Variants in RHBDD1 observed in about 807,000 individuals in gnomAD.
RHBDD1 encodes the protein rhomboid domain containing 1, also known as rhomboid-related protein 4.
In RHBDD1, 38 loss-of-function variants were observed where a neutral mutation model predicts 36.3. The observed-to-expected ratio is 1.05, with a 90% CI of 0.81 to 1.37. The LOEUF is 1.37. Among genes scored for constraint, RHBDD1 ranks in the 40% most tolerant of loss-of-function variants. The pLI is 0.00. For missense variants in RHBDD1, 393 were observed against 377.6 expected (o/e 1.04, Z -0.34); for synonymous variants, 151 against 136.5 (o/e 1.11, Z -0.74).
chr2:226,965,290 G>A (rs1344142393), intron 8 of RHBDD1, among the ~76,000 whole-genome samples: 1 of 152,192 alleles, frequency 6.6e-6, no homozygotes, highest in Non-Finnish European at 1.5e-5. Flanking sequence ...GGGTTCTCCT[G>A]CAGAGCCTCC....
chr2:226,905,299 C>T (rs1461978760), intron 5 of RHBDD1, among the ~76,000 whole-genome samples: 2 of 152,016 alleles, frequency 1.3e-5, no homozygotes, highest in Non-Finnish European at 2.9e-5. Context: ...AGACTGGCTT[C>T]GTGCCAGAAT....
At position 226,995,576 on chromosome 2, in the gene RHBDD1, C is replaced by T. The variant is rs1285398378; in HGVS notation, c.*54C>T. On this transcript the variant is annotated 3_prime_UTR_variant, in exon 9 of 9. Coordinates refer to ENST00000392062, the MANE Select transcript of RHBDD1 (RefSeq NM_001167608.3). ...TCGTGTAATTATTGCCCATTTGGCT[C>T]ATTCCCCAAGCCCCTAATTCATTTT... 1.3e-5 allele frequency: 15 copies of T among 1,198,654 alleles called. No homozygotes were observed. The South Asian group carries it at 1.3e-4, about 10-fold the overall frequency. 74.3% of individuals were successfully genotyped at this position (1,198,654 alleles called of 1,614,324 possible). A position where few individuals can be genotyped will look rare whatever the true frequency, so the allele number is the denominator to read the frequency against.
rs138237527 is a variant in RHBDD1 at position 226,915,031 on chromosome 2, A to G, written c.856+680A>G. On this transcript the variant is annotated intron_variant, in intron 8 of 8. Coordinates refer to ENST00000392062, the MANE Select transcript of RHBDD1 (RefSeq NM_001167608.3). ...TGTTTCATGTACAATGGTAGGTACA[A>G]TAGGGAACACTGAGTGGTAAAAGTT... Among the ~76,000 whole-genome samples, 492 of 152,280 alleles carry G rather than the reference A, an allele frequency of 3.2e-3. 5 individuals carry two copies. In the South Asian group the frequency reaches 0.042, roughly 13 times the overall value.
chr2:226,881,243 G>A (rs1002448383), intron 5 of RHBDD1, among the ~76,000 whole-genome samples: 1 of 152,102 alleles, frequency 6.6e-6, no homozygotes, highest in Non-Finnish European at 1.5e-5. Flanking sequence ...TGACACTTGG[G>A]GATTATGAGG....
At chr2:226,955,294 C>G (rs1013597232) in intron 8 of RHBDD1, among the ~76,000 whole-genome samples, 1 of 152,176 alleles carries the variant, frequency 6.6e-6, no homozygotes, top group Non-Finnish European at 1.5e-5. Context: ...ATCCTGGAAC[C>G]ACGTAAGGTA....
chr2:226,920,717 C>A (rs1310987085), intron 8 of RHBDD1, among the ~76,000 whole-genome samples: 7 of 152,154 alleles, frequency 4.6e-5, no homozygotes, highest in Non-Finnish European at 7.4e-5. Context: ...CCTTGCATCA[C>A]TGGGATAAAT....
intron 3 of RHBDD1, among the ~76,000 whole-genome samples, chr2:226,853,372 T>C (rs1240812735): frequency 3.3e-5 from 5 of 152,238 alleles, no homozygotes; most frequent in Non-Finnish European, 4.4e-5. Context: ...TAACTACTTA[T>C]AGCCATTTGA....
chr2:226,901,049 G>A (rs1364161248), intron 5 of RHBDD1, among the ~76,000 whole-genome samples: 4 of 152,042 alleles, frequency 2.6e-5, no homozygotes, highest in African/African-American at 9.7e-5. Context: ...CTAGTTCCTG[G>A]CAACCACTGT....
At chr2:226,849,978 C>T (rs1942649822) in intron 3 of RHBDD1, among the ~76,000 whole-genome samples, 1 of 152,192 alleles carries the variant, frequency 6.6e-6, no homozygotes, top group Non-Finnish European at 1.5e-5. Flanking sequence ...TGTTGGTCAC[C>T]TCCCAAATAA....
intron 3 of RHBDD1, among the ~76,000 whole-genome samples, chr2:226,850,192 T>A (rs1942672288): frequency 6.6e-6 from 1 of 152,214 alleles, no homozygotes. Context: ...ACACAATGAA[T>A]AGACTGGCCA....
intron 2 of RHBDD1, among the ~76,000 whole-genome samples, 181 bp from the exon 3 acceptor site, chr2:226,839,228 G>C (rs1396392038): frequency 1.3e-5 from 2 of 152,138 alleles, no homozygotes; most frequent in Non-Finnish European, 2.9e-5. Context: ...TTGGAATATG[G>C]GGGTGGGGAC....
In RHBDD1 at chr2:226,857,786, G is replaced by GTGAC. The variant is rs917466114; in HGVS notation, c.-90-6807_-90-6804dup. Among the ~76,000 whole-genome samples the GTGAC allele has an allele frequency of 2.6e-5, 4 of 152,286 alleles. No individual in the cohort carries two copies. In the South Asian group the frequency reaches 8.3e-4, roughly 32 times the overall value. On this transcript the variant is annotated intron_variant, in intron 3 of 8. Transcript: ENST00000392062. ...ATTGTTGCCAGGCACTAGGTGGGAA[G>GTGAC]TGACTGACTGACTGCTAATGGGTAT...
At chr2:226,854,836 G>A (rs1049923985) in intron 3 of RHBDD1, among the ~76,000 whole-genome samples, 1 of 152,138 alleles carries the variant, frequency 6.6e-6, no homozygotes, top group African/African-American at 2.4e-5. Flanking sequence ...GAGGTGGGGG[G>A]CACAACATAG....
intron 5 of RHBDD1, among the ~76,000 whole-genome samples, chr2:226,875,976 C>T (rs1945204000): frequency 6.6e-6 from 1 of 152,190 alleles, no homozygotes; most frequent in African/African-American, 2.4e-5. Context: ...CAATTAGTTT[C>T]CTAAGTTTAC....
At chr2:226,987,967 T>C (rs548434632) in intron 8 of RHBDD1, among the ~76,000 whole-genome samples, 1 of 152,130 alleles carries the variant, frequency 6.6e-6, no homozygotes, top group African/African-American at 2.4e-5. Flanking sequence ...TGGTTGCTGT[T>C]TGATGGAAAC....
intron 5 of RHBDD1, among the ~76,000 whole-genome samples, chr2:226,903,943 A>T (rs1947813960): frequency 6.6e-6 from 1 of 152,104 alleles, no homozygotes; most frequent in Non-Finnish European, 1.5e-5. Flanking sequence ...GAGAGGAGAT[A>T]TGTCACTGGA....
At chr2:226,959,764 A>G (rs1575256519) in intron 8 of RHBDD1, among the ~76,000 whole-genome samples, 1 of 152,292 alleles carries the variant, frequency 6.6e-6, no homozygotes, top group Middle Eastern at 3.4e-3. Flanking sequence ...TTAGGTACAT[A>G]CCTAGGAGTG....
chr2:226,931,154 A>G (rs1031578686), intron 8 of RHBDD1, among the ~76,000 whole-genome samples: 1 of 152,020 alleles, frequency 6.6e-6, no homozygotes, highest in Non-Finnish European at 1.5e-5. Flanking sequence ...CTCAAAGGAA[A>G]AGTCATTATA....
chr2:226,898,413 C>T (rs1160169274), intron 5 of RHBDD1, among the ~76,000 whole-genome samples: 2 of 152,086 alleles, frequency 1.3e-5, no homozygotes, highest in African/African-American at 2.4e-5. Flanking sequence ...AGCTTCTATC[C>T]CCGTGTCTGC....
Sources: allele counts gnomAD v4.1 joint callset (sites outside exome capture counted in the v4.1 genomes callset), GRCh38; gene constraint gnomAD v4.1.1; transcripts MANE v1.5; gene names NCBI Gene and HGNC (gene_info 2026-07-23, HGNC 2026-07-21).